JAK1: variants seen among roughly 807,000 people sequenced by gnomAD.
JAK1 encodes the protein tyrosine-protein kinase JAK1.
Under a neutral mutation model 136.6 loss-of-function variants are expected in JAK1, and 16 were observed. The observed-to-expected ratio is 0.12, with a 90% CI of 0.08 to 0.18. The LOEUF (loss-of-function observed/expected upper bound fraction) is 0.18. Ranked by LOEUF, JAK1 falls within the 10% of genes least tolerant of loss-of-function variation. JAK1 has a pLI of 1.00. For missense variants in JAK1, 859 were observed against 1,450.1 expected, an observed-to-expected ratio of 0.59 and a Z score of 6.62; for synonymous variants, 492 against 519.5, an observed-to-expected ratio of 0.95 and a Z score of 0.72.
intron 1 of JAK1, among the ~76,000 whole-genome samples, chr1:64,951,935 G>A (rs1646098264): frequency 6.6e-6 from 1 of 152,102 alleles, no homozygotes; most frequent in Non-Finnish European, 1.5e-5. Flanking sequence ...GGGATTACAG[G>A]CGTGAGCCAC....
intron 2 of JAK1, among the ~76,000 whole-genome samples, chr1:65,024,575 G>A (rs1166417176): frequency 1.4e-5 from 2 of 146,394 alleles, no homozygotes; most frequent in Admixed American, 1.4e-4. Context: ...TACATTATTA[G>A]CTTAAGCATT....
intron 15 of JAK1, 73 bp downstream of exon 15, chr1:64,845,440 C>A: frequency 1.3e-6 from 2 of 1,572,896 alleles, no homozygotes; most frequent in Admixed American, 3.3e-5. Flanking sequence ...TTGGCTAGCA[C>A]CTCCTTCCTG....
chr1:64,969,635 T>C (rs1646432375), upstream of JAK1, among the ~76,000 whole-genome samples: 1 of 152,120 alleles, frequency 6.6e-6, no homozygotes, highest in African/African-American at 2.4e-5. Context: ...GGAAGGATAC[T>C]GAGGAAGATG....
intron 2 of JAK1, among the ~76,000 whole-genome samples, chr1:65,042,689 C>A (rs1647145858): frequency 3.3e-5 from 5 of 152,190 alleles, no homozygotes; most frequent in African/African-American, 1.2e-4. Flanking sequence ...AGCACTGACT[C>A]AACGGGGACT....
intron 2 of JAK1, among the ~76,000 whole-genome samples, chr1:65,020,058 T>C (rs924969444): frequency 2.6e-5 from 4 of 151,778 alleles, no homozygotes; most frequent in Non-Finnish European, 5.9e-5. Flanking sequence ...AAACCCCATC[T>C]CTACTAAAAG....
At chr1:64,996,668 C>A (rs1024695275) in intron 2 of JAK1, among the ~76,000 whole-genome samples, 2 of 152,176 alleles carry the variant, frequency 1.3e-5, no homozygotes, top group Non-Finnish European at 1.5e-5. Flanking sequence ...TCAAATATGA[C>A]CTGCGGTGAT....
At chr1:64,837,133 G>T (rs576943507) in intron 22 of JAK1, among the ~76,000 whole-genome samples, 7 of 152,120 alleles carry the variant, frequency 4.6e-5, no homozygotes, top group African/African-American at 1.7e-4. Context: ...AACCAAGCCC[G>T]AACCCTTCTG....
chr1:64,927,665 G>A (rs1013122018), intron 1 of JAK1, among the ~76,000 whole-genome samples: 3 of 152,210 alleles, frequency 2.0e-5, no homozygotes, highest in African/African-American at 7.2e-5. Flanking sequence ...GGTTGCTGCT[G>A]CTATGGGGAC....
intron 1 of JAK1, 142 bp from the exon 2 acceptor site, chr1:64,886,483 A>G (rs892974707): frequency 2.5e-4 from 132 of 518,718 alleles, no homozygotes; most frequent in Non-Finnish European, 4.1e-4. Context: ...AAACAAAACA[A>G]AACAAAAAAA....
intron 1 of JAK1, among the ~76,000 whole-genome samples, chr1:64,919,387 G>C (rs1645457136): frequency 6.6e-6 from 1 of 152,138 alleles, no homozygotes. Flanking sequence ...TGGTGTATAT[G>C]TGCCACAGTT....
At chr1:64,944,906 G>A (rs986076556) in intron 1 of JAK1, among the ~76,000 whole-genome samples, 1 of 152,032 alleles carries the variant, frequency 6.6e-6, no homozygotes, top group Non-Finnish European at 1.5e-5. Flanking sequence ...AAACTTCCAA[G>A]GAAGGGAGGC....
intron 2 of JAK1, chr1:64,973,926 A>G (rs1406061858): frequency 6.6e-6 from 1 of 152,244 alleles, no homozygotes; most frequent in African/African-American, 2.4e-5. Context: ...CCTTAAAGGT[A>G]TCATGCATGA....
intron 1 of JAK1, among the ~76,000 whole-genome samples, chr1:64,937,892 T>G (rs1557707463): frequency 6.6e-6 from 1 of 152,132 alleles, no homozygotes; most frequent in Non-Finnish European, 1.5e-5. Flanking sequence ...ATCTTCTTTT[T>G]TTTTTGAGAG....
intron 12 of JAK1, among the ~76,000 whole-genome samples, chr1:64,850,358 T>A (rs1311087821): frequency 6.6e-6 from 1 of 152,234 alleles, no homozygotes; most frequent in Non-Finnish European, 1.5e-5. Context: ...AGAGTGTGCA[T>A]GTCCTCTTGT....
At position 64,855,499 on chromosome 1, in the gene JAK1, G is replaced by T. The variant is rs1655868858; in HGVS notation, c.1648+10C>A. The T allele has an allele frequency of 6.2e-7, 1 of 1,612,972 alleles. No individual in the cohort carries two copies. The highest frequency in any genetic ancestry group is 1.3e-5 in the African/African-American group (1 of 74,898). On this transcript the variant is annotated intron_variant, in intron 11 of 24. Coordinates refer to ENST00000342505, the MANE Select transcript of JAK1 (RefSeq NM_002227.4). ...GGGATACAGCCTGGCTCTGGCACAG[G>T]GAGACGAACCTCGGGGCTTGGGCTG...
At chr1:65,025,706 C>T (rs979282568) in intron 2 of JAK1, among the ~76,000 whole-genome samples, 4 of 151,976 alleles carry the variant, frequency 2.6e-5, no homozygotes, top group African/African-American at 9.7e-5. Context: ...GAGACAGGGT[C>T]TTACTCTGTC....
intron 2 of JAK1, chr1:64,993,511 TCTC>T (rs1646676711): frequency 6.6e-6 from 1 of 152,256 alleles, no homozygotes. Context: ...CCAAAGGTCT[TCTC>T]CTCTCCATGA....
At chr1:64,881,678 C>T (rs1163678727) in intron 3 of JAK1, among the ~76,000 whole-genome samples, 2 of 152,192 alleles carry the variant, frequency 1.3e-5, no homozygotes, top group African/African-American at 2.4e-5. Context: ...TAGAAACCGA[C>T]ACCCCAAACT....
chr1:64,900,106 G>A (rs1645081777), intron 1 of JAK1, among the ~76,000 whole-genome samples: 4 of 152,186 alleles, frequency 2.6e-5, no homozygotes, highest in African/African-American at 2.4e-5. Flanking sequence ...GGGTTATACA[G>A]GAAATTAGGG....
Sources: allele counts gnomAD v4.1 joint callset (sites outside exome capture counted in the v4.1 genomes callset), GRCh38; gene constraint gnomAD v4.1.1; transcripts MANE v1.5; gene names NCBI Gene and HGNC (gene_info 2026-07-23, HGNC 2026-07-21).